Variants in MSR1 observed in about 807,000 individuals in gnomAD.
MSR1 encodes the protein macrophage scavenger receptor 1, also known as macrophage scavenger receptor types I and II.
MSR1 carries 53 observed loss-of-function variants against 47.2 expected under a neutral mutation model. The observed-to-expected ratio is 1.12, with a 90% confidence interval of 0.90 to 1.41. MSR1 has a LOEUF of 1.41. MSR1 is among the 40% of genes most tolerant of loss of function. The pLI is 0.00. For missense variants in MSR1, 786 were observed against 546.9 expected (o/e 1.44, Z -4.36); for synonymous variants, 239 against 185.6 (o/e 1.29, Z -2.34).
chr8:16,117,710 A>T (rs1010874870), intron 9 of MSR1, among the ~76,000 whole-genome samples: 8 of 152,064 alleles, frequency 5.3e-5, no homozygotes, highest in African/African-American at 1.9e-4. Context: ...CCAAAGTGAG[A>T]TTATGGAGTA....
chr8:16,145,550 C>G (rs989542644), intron 7 of MSR1, among the ~76,000 whole-genome samples: 1 of 152,082 alleles, frequency 6.6e-6, no homozygotes, highest in Non-Finnish European at 1.5e-5. Context: ...TCAGAATAGA[C>G]ATGCTTAAGC....
In MSR1 at chr8:16,121,284, T is replaced by C. The variant is rs563795601; in HGVS notation, c.1034-678A>G. 217 of 292,818 alleles carry C rather than the reference T, an allele frequency of 7.4e-4. 2 individuals carry two copies. Among genetic ancestry groups the C allele is most frequent in the Middle Eastern group, 3.1e-3 (3 of 974 alleles). The allele number at this position is 292,818 out of a possible 1,614,324, so 18.1% of individuals were successfully genotyped here. ...TTTAGAAGTGATTCAAATAGTAAAC[T>C]ACAAAGAAATAAACTTTGTTTATAA... On this transcript the variant is annotated intron_variant, in intron 8 of 9. Transcript: ENST00000262101.
intron 3 of MSR1, 104 bp from the exon 4 acceptor site, chr8:16,168,974 C>T: frequency 1.7e-6 from 2 of 1,208,332 alleles, no homozygotes; most frequent in Admixed American, 1.9e-5. Flanking sequence ...CCATTCCATT[C>T]CAACATTTTG....
intron 1 of MSR1, among the ~76,000 whole-genome samples, chr8:16,189,046 T>TTA (rs1802086901): frequency 6.9e-6 from 1 of 145,524 alleles, no homozygotes; most frequent in African/African-American, 2.5e-5. Context: ...AAAGACTTGC[T>TTA]TATATATATA....
At chr8:16,152,611 G>A (rs1373445058) in intron 6 of MSR1, among the ~76,000 whole-genome samples, 1 of 152,026 alleles carries the variant, frequency 6.6e-6, no homozygotes, top group Non-Finnish European at 1.5e-5. Flanking sequence ...ATGCCTACAG[G>A]TCAAACTACC....
chr8:16,170,391 A>T (rs1382685467), intron 3 of MSR1, among the ~76,000 whole-genome samples: 2 of 152,032 alleles, frequency 1.3e-5, no homozygotes. Flanking sequence ...AGAATGAGGA[A>T]AATGTTAAAC....
intron 1 of MSR1, among the ~76,000 whole-genome samples, chr8:16,182,121 C>T (rs542780570): frequency 6.6e-6 from 1 of 152,170 alleles, no homozygotes; most frequent in Non-Finnish European, 1.5e-5. Flanking sequence ...ACCTATATAG[C>T]ATGTTATACT....
At position 16,168,663 on chromosome 8, in the gene MSR1, T is replaced by C. The variant is rs1192721809; in HGVS notation, c.425A>G (p.Gln142Arg). The change falls in exon 4 of 10, where the codon CAA becomes CGA. Residue 142 changes from glutamine to arginine, a missense_variant. By Grantham distance (43) the Gln-to-Arg change is conservative (BLOSUM62 1). Coordinates refer to ENST00000262101, the MANE Select transcript of MSR1 (RefSeq NM_138715.3). The stretch of plus-strand genomic sequence containing the variant: ...TTGATCAGTTGTCATGCTGAAATTT[T>C]GGAAATGCTCTGTGTCCATGAGGTT... ...EANLMDTEHF[Q>R]NFSMTTDQRF... is the part of the protein sequence containing the mutation. 3.1e-6 allele frequency: 5 copies of C among 1,614,066 alleles called. No homozygotes were observed. The highest frequency in any genetic ancestry group is 4.2e-6 in the Non-Finnish European group (5 of 1,180,022).
chr8:16,189,111 T>G (rs1466713221), intron 1 of MSR1, among the ~76,000 whole-genome samples: 1 of 145,978 alleles, frequency 6.9e-6, no homozygotes, highest in Non-Finnish European at 1.5e-5. Context: ...TTACATATAT[T>G]TCATATATAC....
chr8:16,140,426 A>T, intron 8 of MSR1: 1 of 985,654 alleles, frequency 1.0e-6, no homozygotes, highest in Non-Finnish European at 1.2e-6. Flanking sequence ...CTATCATTGT[A>T]TGAGTTTTAG....
At chr8:16,129,781 G>A (rs1184775476) in intron 8 of MSR1, among the ~76,000 whole-genome samples, 2 of 151,670 alleles carry the variant, frequency 1.3e-5, no homozygotes, top group African/African-American at 4.8e-5. Context: ...CATCTTAAGG[G>A]CAGGACATTT....
At chr8:16,183,091 T>C (rs955602209) in intron 1 of MSR1, among the ~76,000 whole-genome samples, 1 of 152,128 alleles carries the variant, frequency 6.6e-6, no homozygotes, top group African/African-American at 2.4e-5. Flanking sequence ...ATACATATGG[T>C]CCTGTGTTGA....
At chr8:16,110,318 G>A in intron 9 of MSR1, 100 bp from the exon 10 acceptor site, 2 of 1,364,240 alleles carry the variant, frequency 1.5e-6, no homozygotes. Flanking sequence ...AAACAAAAAA[G>A]TGTTGATTAT....
intron 8 of MSR1, among the ~76,000 whole-genome samples, chr8:16,121,912 A>G (rs1377430789): frequency 6.6e-6 from 1 of 152,010 alleles, no homozygotes; most frequent in African/African-American, 2.4e-5. Flanking sequence ...AAGTTACTAG[A>G]TTACTGTTTC....
intron 5 of MSR1, among the ~76,000 whole-genome samples, chr8:16,157,135 G>T (rs895805473): frequency 6.6e-6 from 1 of 151,904 alleles, no homozygotes; most frequent in Non-Finnish European, 1.5e-5. Context: ...AAAGCAAGAC[G>T]CAGACATTCC....
intron 9 of MSR1, among the ~76,000 whole-genome samples, chr8:16,119,214 C>G (rs1474502748): frequency 6.6e-6 from 1 of 152,052 alleles, no homozygotes; most frequent in African/African-American, 2.4e-5. Flanking sequence ...TTAAATCCAT[C>G]TCTTAAACCT....
chr8:16,150,443 C>A (rs1442618410), intron 6 of MSR1, 132 bp from the exon 7 acceptor site: 4 of 369,876 alleles, frequency 1.1e-5, no homozygotes, highest in Non-Finnish European at 1.9e-5. Flanking sequence ...TAATATCTTT[C>A]CTAAAATTTA....
In MSR1 at chr8:16,118,846, G is replaced by C. The variant is rs34973856; in HGVS notation, c.1222+1572C>G. Among the ~76,000 whole-genome samples, 1,302 of 152,130 alleles carry C rather than the reference G, an allele frequency of 8.6e-3. 23 individuals carry two copies. The highest frequency in any genetic ancestry group is 0.011 in the Non-Finnish European group (774 of 67,950). On this transcript the variant is annotated intron_variant, in intron 9 of 9. Coordinates refer to ENST00000262101, the MANE Select transcript of MSR1 (RefSeq NM_138715.3). ...CAGAAAAACAAAAAAGAAAAACAAA[G>C]AAAACAAAAGCAAAAATCTAGCTGT...
intron 5 of MSR1, among the ~76,000 whole-genome samples, chr8:16,161,036 T>C (rs1352635170): frequency 7.5e-6 from 1 of 133,276 alleles, no homozygotes; most frequent in African/African-American, 3.7e-5. Flanking sequence ...AAATAGCATT[T>C]TTTTTTTTTT....
Sources: gnomAD v4.1 joint callset for allele counts (sites outside exome capture counted in the v4.1 genomes callset) on GRCh38, gnomAD v4.1.1 for gene constraint, MANE v1.5 for transcripts, NCBI Gene and HGNC (gene_info 2026-07-23, HGNC 2026-07-21) for gene names.